The following LYPLAL1 variants were observed in gnomAD, a reference collection of about 807,000 sequenced individuals.
The protein encoded by LYPLAL1 is lysophospholipase-like protein 1.
Under a neutral mutation model 19.7 loss-of-function variants are expected in LYPLAL1, and 23 were observed. The observed-to-expected ratio is 1.17, with a 90% CI of 0.84 to 1.65. The LOEUF (loss-of-function observed/expected upper bound fraction) is 1.65. Among genes scored for constraint, LYPLAL1 ranks in the 40% most tolerant of loss-of-function variants. The pLI, the probability that LYPLAL1 is intolerant of heterozygous loss-of-function variation, is 0.00. For missense variants in LYPLAL1, 355 were observed against 279.4 expected (o/e 1.27, Z -1.93); for synonymous variants, 119 against 96.3 (o/e 1.24, Z -1.38).
the LYPLAL1 span, among the ~76,000 whole-genome samples, chr1:219,238,920 G>T: frequency 6.6e-6 from 1 of 152,130 alleles, no homozygotes; most frequent in Non-Finnish European, 1.5e-5. Flanking sequence ...AATCAGAGAA[G>T]ATACTATTTT....
intron 2 of LYPLAL1, among the ~76,000 whole-genome samples, chr1:219,192,460 GC>G (rs756945106): frequency 1.3e-5 from 2 of 151,448 alleles, no homozygotes; most frequent in African/African-American, 2.4e-5. Flanking sequence ...TGTTTTCTTT[GC>G]CACTCTGTTT....
the LYPLAL1 span, among the ~76,000 whole-genome samples, chr1:219,357,084 T>C: frequency 2.6e-5 from 4 of 152,362 alleles, no homozygotes; most frequent in South Asian, 8.3e-4. Flanking sequence ...TTCACTTGAA[T>C]GTCCAAATGT....
the LYPLAL1 span, among the ~76,000 whole-genome samples, chr1:219,264,585 A>G: frequency 6.6e-6 from 1 of 152,130 alleles, no homozygotes; most frequent in Non-Finnish European, 1.5e-5. Flanking sequence ...TGACATGTGA[A>G]GACGAATGCT....
chr1:219,292,791 T>C, the LYPLAL1 span, among the ~76,000 whole-genome samples: 1 of 152,194 alleles, frequency 6.6e-6, no homozygotes, highest in Non-Finnish European at 1.5e-5. Context: ...ATGTGTTTTA[T>C]GGTGTGTTGA....
the LYPLAL1 span, among the ~76,000 whole-genome samples, chr1:219,309,125 T>G: frequency 6.6e-6 from 1 of 152,316 alleles, no homozygotes; most frequent in South Asian, 2.1e-4. Flanking sequence ...GCTTTCAAAT[T>G]TGACTGCCCC....
chr1:219,176,854 A>C (rs1400874771), intron 1 of LYPLAL1, among the ~76,000 whole-genome samples: 2 of 152,212 alleles, frequency 1.3e-5, no homozygotes, highest in African/African-American at 4.8e-5. Flanking sequence ...TTCAAGAAAT[A>C]TATCACAGCC....
chr1:219,387,131 A>G, the LYPLAL1 span, among the ~76,000 whole-genome samples: 2 of 151,986 alleles, frequency 1.3e-5, no homozygotes, highest in Non-Finnish European at 2.9e-5. Context: ...TCTCCCCCAC[A>G]TGCTCCTCTG....
the LYPLAL1 span, among the ~76,000 whole-genome samples, chr1:219,315,014 G>A: frequency 6.6e-6 from 1 of 152,168 alleles, no homozygotes; most frequent in Non-Finnish European, 1.5e-5. Flanking sequence ...TTGTGTGTGT[G>A]TGTGTGAGTA....
chr1:219,206,721 C>T (rs1658597353), intron 3 of LYPLAL1, among the ~76,000 whole-genome samples: 1 of 149,676 alleles, frequency 6.7e-6, no homozygotes, highest in Non-Finnish European at 1.5e-5. Flanking sequence ...TTTTCTTTCT[C>T]TCTTTTTTTT....
chr1:219,294,085 C>G, the LYPLAL1 span, among the ~76,000 whole-genome samples: 1 of 152,180 alleles, frequency 6.6e-6, no homozygotes, highest in Non-Finnish European at 1.5e-5. Context: ...GGAAAATTTG[C>G]TGGAGAAAGT....
At chr1:219,435,872 A>G in the LYPLAL1 span, among the ~76,000 whole-genome samples, 1 of 152,142 alleles carries the variant, frequency 6.6e-6, no homozygotes, top group Non-Finnish European at 1.5e-5. Flanking sequence ...TCAGTGACAC[A>G]TCCCACATTC....
At chr1:219,210,409 A>G in intron 3 of LYPLAL1, 123 bp from the exon 4 acceptor site, 2 of 641,990 alleles carry the variant, frequency 3.1e-6, no homozygotes, top group Non-Finnish European at 5.0e-6. Context: ...GAGTAGACGA[A>G]ATTTCTTTTT....
In LYPLAL1 at chr1:219,212,346, G is replaced by A. The variant is rs1256108146; in HGVS notation, c.*618G>A. 7 of 151,866 alleles carry A rather than the reference G, an allele frequency of 4.6e-5. No homozygotes were observed. The highest frequency in any genetic ancestry group is 9.7e-5 in the African/African-American group (4 of 41,366). 9.4% of individuals were successfully genotyped at this position (151,866 alleles called of 1,614,324 possible). ...AACCCAAATTGCTGCTCTGTTTTAG[G>A]TCTCAATTTCATCTGTAAAATGATA... On this transcript the variant is annotated 3_prime_UTR_variant, in exon 5 of 5. Transcript: ENST00000366928.
the LYPLAL1 span, among the ~76,000 whole-genome samples, chr1:219,352,656 G>T: frequency 6.6e-6 from 1 of 152,296 alleles, no homozygotes; most frequent in East Asian, 1.9e-4. Flanking sequence ...TTCTTCAAGT[G>T]TCCTTCCAGG....
At chr1:219,179,367 T>A in intron 2 of LYPLAL1, 121 bp downstream of exon 2, 1 of 747,244 alleles carries the variant, frequency 1.3e-6, no homozygotes, top group Non-Finnish European at 2.2e-6. Context: ...TAAATTAGAG[T>A]ACTTTGTCCC....
At chr1:219,416,643 G>A in the LYPLAL1 span, among the ~76,000 whole-genome samples, 1 of 152,174 alleles carries the variant, frequency 6.6e-6, no homozygotes, top group African/African-American at 2.4e-5. Flanking sequence ...TGAGGGGTGG[G>A]TCATTTAGAA....
chr1:219,387,875 G>T, the LYPLAL1 span, among the ~76,000 whole-genome samples: 1 of 152,170 alleles, frequency 6.6e-6, no homozygotes, highest in African/African-American at 2.4e-5. Context: ...TTTCCCAGAA[G>T]TATTTGGTAT....
intron 2 of LYPLAL1, among the ~76,000 whole-genome samples, chr1:219,182,923 G>C (rs981468048): frequency 6.6e-6 from 1 of 151,888 alleles, no homozygotes; most frequent in African/African-American, 2.4e-5. Context: ...TTACTATTAT[G>C]TGGCTTTACC....
chr1:219,271,169 C>G, the LYPLAL1 span: 1 of 152,408 alleles, frequency 6.6e-6, no homozygotes, highest in Non-Finnish European at 1.5e-5. Flanking sequence ...GTCTTGAACT[C>G]CTGACCTCAG....
Sources: allele counts gnomAD v4.1 joint callset (sites outside exome capture counted in the v4.1 genomes callset), GRCh38; gene constraint gnomAD v4.1.1; transcripts MANE v1.5; gene names NCBI Gene and HGNC (gene_info 2026-07-23, HGNC 2026-07-21).